Variants in RNF121 observed in about 807,000 individuals in gnomAD.
The protein encoded by RNF121 is E3 ubiquitin ligase RNF121.
A neutral mutation model predicts 46.5 loss-of-function variants in RNF121; 21 were observed. The observed-to-expected ratio is 0.45, with a 90% CI of 0.32 to 0.65. RNF121 has a LOEUF of 0.65. Ranked by LOEUF, RNF121 falls within the 30% of genes least tolerant of loss-of-function variation. The pLI is 0.04. For synonymous variants in RNF121, 139 were observed against 144.7 expected (o/e 0.96, Z 0.28); for missense variants, 346 against 416.0 (o/e 0.83, Z 1.46).
At chr11:71,965,035 A>G (rs760626788) in intron 3 of RNF121, among the ~76,000 whole-genome samples, 1 of 152,226 alleles carries the variant, frequency 6.6e-6, no homozygotes, top group African/African-American at 2.4e-5. Flanking sequence ...AATTTGAACA[A>G]TGTAACAGTA....
chr11:71,939,979 A>C (rs1953527527), intron 1 of RNF121, among the ~76,000 whole-genome samples: 2 of 152,218 alleles, frequency 1.3e-5, no homozygotes, highest in African/African-American at 4.8e-5. Context: ...CAGAAGAAGG[A>C]GTGCTTAAGT....
chr11:71,936,739 C>G (rs1347350631), intron 1 of RNF121, among the ~76,000 whole-genome samples: 3 of 152,056 alleles, frequency 2.0e-5, no homozygotes, highest in Non-Finnish European at 4.4e-5. Flanking sequence ...ACATCTACTT[C>G]CAGAAGGAAT....
chr11:71,947,611 G>A (rs1320383850), intron 1 of RNF121, among the ~76,000 whole-genome samples: 1 of 152,232 alleles, frequency 6.6e-6, no homozygotes, highest in African/African-American at 2.4e-5. Flanking sequence ...TGGCTGGAAT[G>A]TAAGCCATTT....
At chr11:71,930,072 C>T (rs1048985898) in intron 1 of RNF121, among the ~76,000 whole-genome samples, 1 of 152,114 alleles carries the variant, frequency 6.6e-6, no homozygotes, top group African/African-American at 2.4e-5. Flanking sequence ...GAAGGAATCA[C>T]TAGGAGGAAG....
intron 1 of RNF121, among the ~76,000 whole-genome samples, chr11:71,932,667 G>A (rs1193588428): frequency 6.6e-6 from 1 of 152,216 alleles, no homozygotes. Context: ...AGAGTCTTGA[G>A]GCTACCAAGT....
chr11:71,929,637 A>G (rs1419257702), intron 1 of RNF121, among the ~76,000 whole-genome samples: 1 of 152,218 alleles, frequency 6.6e-6, no homozygotes, highest in African/African-American at 2.4e-5. Context: ...CTTTGTATCT[A>G]ATGCATGCTC....
At chr11:71,929,240 C>T (rs1392834511) in intron 1 of RNF121, 116 bp downstream of exon 1, 2 of 1,445,632 alleles carry the variant, frequency 1.4e-6, no homozygotes. Context: ...AGGGAAGGAG[C>T]TGACTAGGGG....
At chr11:71,979,929 G>A (rs1277688508) in intron 3 of RNF121, among the ~76,000 whole-genome samples, 2 of 152,316 alleles carry the variant, frequency 1.3e-5, no homozygotes, top group Admixed American at 1.3e-4. Flanking sequence ...CGAATAGCAT[G>A]AAGACCAAAA....
intron 2 of RNF121, among the ~76,000 whole-genome samples, 174 bp from the exon 3 acceptor site, chr11:71,960,576 G>A (rs777466196): frequency 2.6e-5 from 4 of 152,072 alleles, no homozygotes; most frequent in Admixed American, 6.6e-5. Context: ...ATTCTATCTC[G>A]ACATGCCTGT....
intron 1 of RNF121, among the ~76,000 whole-genome samples, chr11:71,931,668 C>G (rs1246266603): frequency 1.3e-5 from 2 of 151,968 alleles, no homozygotes; most frequent in African/African-American, 4.8e-5. Context: ...TATTATAATA[C>G]TAGATAATTG....
chr11:71,961,402 A>T (rs557495359), intron 3 of RNF121, among the ~76,000 whole-genome samples: 1 of 152,246 alleles, frequency 6.6e-6, no homozygotes, highest in East Asian at 1.9e-4. Context: ...ATCTACAAAA[A>T]ATAGAGAAAT....
At chr11:71,982,650 G>A (rs548259028) in intron 3 of RNF121, 111 bp from the exon 4 acceptor site, 32 of 1,230,020 alleles carry the variant, frequency 2.6e-5, no homozygotes, top group Middle Eastern at 2.7e-4. Context: ...ATCCAAAGTT[G>A]TAAATACAGG....
intron 3 of RNF121, among the ~76,000 whole-genome samples, chr11:71,973,980 C>T (rs1049456661): frequency 1.3e-5 from 2 of 152,148 alleles, no homozygotes; most frequent in Non-Finnish European, 2.9e-5. Flanking sequence ...CTTGCTCTTT[C>T]ACCCAGGCCA....
chr11:71,979,289 T>G (rs1010770738), intron 3 of RNF121, among the ~76,000 whole-genome samples: 1 of 152,174 alleles, frequency 6.6e-6, no homozygotes, highest in Non-Finnish European at 1.5e-5. Flanking sequence ...GGGTGACCTA[T>G]TGAGTTGGAG....
At chr11:71,980,681 A>G (rs1954632391) in intron 3 of RNF121, among the ~76,000 whole-genome samples, 1 of 152,148 alleles carries the variant, frequency 6.6e-6, no homozygotes, top group Non-Finnish European at 1.5e-5. Context: ...AGAAATCTAT[A>G]AGAGAATGGT....
At chr11:71,985,440 T>C (rs1394197532) in intron 4 of RNF121, among the ~76,000 whole-genome samples, 2 of 152,210 alleles carry the variant, frequency 1.3e-5, no homozygotes, top group Admixed American at 1.3e-4. Flanking sequence ...ATTGAGTTTT[T>C]TGACCTAAAA....
intron 3 of RNF121, among the ~76,000 whole-genome samples, chr11:71,977,248 G>GT (rs1187731795): frequency 1.3e-5 from 2 of 152,208 alleles, no homozygotes; most frequent in Non-Finnish European, 1.5e-5. Flanking sequence ...TGCAGAGGTG[G>GT]TAAGATGAGA....
At chr11:71,974,959 A>G (rs1954499096) in intron 3 of RNF121, among the ~76,000 whole-genome samples, 1 of 152,210 alleles carries the variant, frequency 6.6e-6, no homozygotes, top group Non-Finnish European at 1.5e-5. Context: ...TAGCTCCTTC[A>G]GGGATGTTAG....
At chr11:71,967,117 C>T (rs113007057) in intron 3 of RNF121, among the ~76,000 whole-genome samples, 3,783 of 148,036 alleles carry the variant, frequency 0.026, 51 homozygotes, top group East Asian at 0.079. Context: ...ATGATCCACC[C>T]GCCTCGGCCT....
Sources: allele counts gnomAD v4.1 joint callset (sites outside exome capture counted in the v4.1 genomes callset), GRCh38; gene constraint gnomAD v4.1.1; transcripts MANE v1.5; gene names NCBI Gene and HGNC (gene_info 2026-07-23, HGNC 2026-07-21).